The following DPP9 variants were observed in gnomAD, a reference collection of about 807,000 sequenced individuals.
The protein encoded by DPP9 is dipeptidyl peptidase 9.
In DPP9, 50 loss-of-function variants were observed where a neutral mutation model predicts 110.7. The ratio of observed to expected loss-of-function variants is 0.45; its 90% CI spans 0.36 to 0.57. The LOEUF (loss-of-function observed/expected upper bound fraction) is 0.57, where lower values mean the gene tolerates loss of function less well. Ranked by LOEUF, DPP9 falls within the 20% of genes least tolerant of loss-of-function variation. The pLI, the probability that DPP9 is intolerant of heterozygous loss-of-function variation, is 0.00. For synonymous variants in DPP9, 561 were observed against 514.4 expected (o/e 1.09, Z -1.23); for missense variants, 1,022 against 1,217.9 (o/e 0.84, Z 2.39).
At chr19:4,679,693 G>A in intron 21 of DPP9, 142 bp downstream of exon 21, 3 of 656,782 alleles carry the variant, frequency 4.6e-6, no homozygotes, top group Middle Eastern at 4.1e-4. Flanking sequence ...GGGGACACAG[G>A]GCTGTGGGGT....
At position 4,684,670 on chromosome 19, in the gene DPP9, T is replaced by C; in HGVS notation, c.2171A>G (p.Asn724Ser). 1 of 1,612,586 alleles carries C rather than the reference T, an allele frequency of 6.2e-7. No homozygotes were observed. The highest frequency in any genetic ancestry group is 8.5e-7 in the Non-Finnish European group (1 of 1,179,554). The change falls in exon 18 of 22, where the codon AAC (asparagine) becomes AGC (serine). Residue 724 changes from asparagine (N) to serine (S), a missense_variant. By Grantham distance (46) the Asn-to-Ser change is conservative (BLOSUM62 1). Around this residue, in one of 3 missense-constraint regions of DPP9, gnomAD observed 209 missense variants for 280.4 expected, o/e 0.75. Coordinates refer to ENST00000262960, the MANE Select transcript of DPP9 (RefSeq NM_139159.5). The surrounding 1 kb of genome is among the most constrained non-coding windows in gnomAD (Gnocchi z 4.8). ...ACAGGGAGGAGTTGTTACCATTTGG[T>C]TTTTCAGGGCCCCTTCGAACCGAAG... ...RGLRFEGALKNQMGQVEIEDQ... is the reference protein window; with the variant it reads ...RGLRFEGALKSQMGQVEIEDQ...
At position 4,705,918 on chromosome 19, in the gene DPP9, C is replaced by T; in HGVS notation, c.366G>A (p.Lys122=). The change falls in exon 5 of 22, where the codon AAG becomes AAA. Residue 122 remains lysine, a synonymous_variant. Transcript: ENST00000262960. ...ENSLLYSEIP[K]KVRKEALLLL... Reference sequence around the variant, plus strand: ...GCAGCAGAGCCTCTTTCCGGACCTTCTTGGGAATCTCAGAGTAGAGGAGGG... The same window carrying T: ...GCAGCAGAGCCTCTTTCCGGACCTTTTTGGGAATCTCAGAGTAGAGGAGGG... 1 of 1,613,954 alleles carries T rather than the reference C, an allele frequency of 6.2e-7. No homozygotes were observed. Among genetic ancestry groups the T allele is most frequent in the South Asian group, 1.1e-5 (1 of 91,080 alleles).
Position 4,685,361 on chromosome 19 carries a change from A to C in DPP9, c.2031+265T>G. On this transcript the variant is annotated intron_variant, in intron 17 of 21. Transcript: ENST00000262960. The surrounding 1 kb of genome is among the most constrained non-coding windows in gnomAD (Gnocchi z 5.8). Reference sequence around the variant, plus strand: ...CAACCTGGAGACTAGGGGACTTCCTAGAGGAACAAGGGAGAGTCAGCAGGC... The same window carrying C: ...CAACCTGGAGACTAGGGGACTTCCTCGAGGAACAAGGGAGAGTCAGCAGGC... The C allele has an allele frequency of 1.6e-6, 1 of 622,634 alleles. No individual in the cohort carries two copies. The highest frequency in any genetic ancestry group is 3.0e-6 in the Non-Finnish European group (1 of 334,496). The allele number at this position is 622,634 out of a possible 1,614,324, so 38.6% of individuals were successfully genotyped here. A position where few individuals can be genotyped will look rare whatever the true frequency, so the allele number is the denominator to read the frequency against.
rs771284797 is a variant in DPP9, at chr19:4,684,687, G to A, written c.2154C>T (p.Phe718=). The A allele has an allele frequency of 2.2e-5, 36 of 1,612,796 alleles. No individual in the cohort carries two copies. The highest frequency in any genetic ancestry group is 8.8e-5 in the South Asian group (8 of 90,852). Residue 718 remains phenylalanine, a synonymous_variant, in exon 18 of 22, where the codon TTC becomes TTT. Coordinates refer to ENST00000262960, the MANE Select transcript of DPP9 (RefSeq NM_139159.5). The surrounding 1 kb of genome is among the most constrained non-coding windows in gnomAD (Gnocchi z 4.8). ...GRGSCQRGLR[F]EGALKNQMGQ... is the part of the protein sequence containing the mutation. Reference sequence around the variant, plus strand: ...CCATTTGGTTTTTCAGGGCCCCTTCGAACCGAAGCCCTCGCTGACAGGAGC... The same window carrying A: ...CCATTTGGTTTTTCAGGGCCCCTTCAAACCGAAGCCCTCGCTGACAGGAGC...
rs62113865 is a variant in DPP9 at position 4,689,778 on chromosome 19, C to A, written c.1597-56G>T. On this transcript the variant is annotated intron_variant, in intron 14 of 21. Transcript: ENST00000262960. This position sits in a 1 kb window ranked among gnomAD's most constrained non-coding sequence, Gnocchi z 7.0. ...GTCCCAGATGCCCCTGGGCCCACAC[C>A]CCTCTCCACGCCCCACAGGAGTGGG... 52,101 of 1,499,246 alleles carry A rather than the reference C, an allele frequency of 0.035. 1,112 individuals are homozygous for A. Among genetic ancestry groups the A allele is most frequent in the Non-Finnish European group, 0.042 (46,448 of 1,115,404 alleles). 92.9% of individuals were successfully genotyped at this position (1,499,246 alleles called of 1,614,324 possible).
chr19:4,706,137 G>A (rs1010235347), intron 4 of DPP9, among the ~76,000 whole-genome samples, 167 bp from the exon 5 acceptor site: 1 of 152,098 alleles, frequency 6.6e-6, no homozygotes, highest in Non-Finnish European at 1.5e-5. Context: ...GTTTGCTTAA[G>A]TAGGCAGTAG....
chr19:4,711,735 T>G lies in DPP9; in HGVS notation c.313+2346A>C, dbSNP rs1377814753. On this transcript the variant is annotated intron_variant, in intron 4 of 21. Transcript: ENST00000262960. The stretch of plus-strand genomic sequence containing the variant: ...TTGCAGTGAGCCAAGATTGCGCCAT[T>G]GCACTCCAGCCTGGGTGACAGAGCG... Among the ~76,000 whole-genome samples the G allele has an allele frequency of 5.4e-5, 7 of 129,164 alleles. No homozygotes were observed. The Admixed American group carries it at 6.8e-4, about 12-fold the overall frequency. The allele number at this position is 129,164 out of a possible 152,430, so 84.7% of individuals were successfully genotyped here.
At chr19:4,719,728 TG>T in intron 3 of DPP9, 122 bp downstream of exon 3, 1 of 1,148,984 alleles carries the variant, frequency 8.7e-7, no homozygotes. Context: ...AGAACAGTCT[TG>T]GGGACGTGCT....
Position 4,695,339 on chromosome 19 carries a change from G to A in DPP9, c.1353+39C>T. On this transcript the variant is annotated intron_variant, in intron 12 of 21. Coordinates refer to ENST00000262960, the MANE Select transcript of DPP9 (RefSeq NM_139159.5). This position sits in a 1 kb window ranked among gnomAD's most constrained non-coding sequence, Gnocchi z 4.7. ...GGGGGTGGGGACAGTGTGACTCCAG[G>A]GCCCAGGCGGGCATACAGCCAGCGC... The A allele has an allele frequency of 6.6e-7, 1 of 1,519,536 alleles. No individual in the cohort carries two copies. Among genetic ancestry groups the A allele is most frequent in the African/African-American group, 1.4e-5 (1 of 71,808 alleles). 94.1% of individuals were successfully genotyped at this position (1,519,536 alleles called of 1,614,324 possible).
intron 4 of DPP9, among the ~76,000 whole-genome samples, chr19:4,713,479 G>A (rs1273513546): frequency 6.6e-6 from 1 of 152,246 alleles, no homozygotes. Context: ...GCTGCGTGCA[G>A]GCACACGCCC....
At chr19:4,683,245 C>A (rs1054122081) in intron 19 of DPP9, 1 of 1,431,534 alleles carries the variant, frequency 7.0e-7, no homozygotes, top group Non-Finnish European at 9.1e-7. Flanking sequence ...GAGCTGCTGG[C>A]GGGGTTTTGT....
Position 4,687,060 on chromosome 19 carries a change from C to G in DPP9, c.1886-1289G>C, listed in dbSNP as rs962713264. Among the ~76,000 whole-genome samples, 6 of 152,158 alleles carry G rather than the reference C, an allele frequency of 3.9e-5. No homozygotes were observed. Among genetic ancestry groups the G allele is most frequent in the Admixed American group, 6.5e-5 (1 of 15,270 alleles). On this transcript the variant is annotated intron_variant, in intron 16 of 21. Transcript: ENST00000262960. This position sits in a 1 kb window ranked among gnomAD's most constrained non-coding sequence, Gnocchi z 4.7. ...GCACTGAGGTTCTGGTCTCTGCCCC[C>G]ACTGCTAGGCTGGGTGCCCTGCTGA...
intron 8 of DPP9, 58 bp downstream of exon 8, chr19:4,702,545 T>C: frequency 7.5e-7 from 1 of 1,326,746 alleles, no homozygotes; most frequent in Non-Finnish European, 1.1e-6. Flanking sequence ...GGACACAGCC[T>C]GTGATTCCAG....
chr19:4,685,605 G>T lies in DPP9; in HGVS notation c.2031+21C>A. ...CGGGTGGATGGTGGGGTGGGGGCCT[G>T]GGGAGCAGGTGTGCACTCACCTGGG... On this transcript the variant is annotated intron_variant, in intron 17 of 21. Transcript: ENST00000262960. The surrounding 1 kb of genome is among the most constrained non-coding windows in gnomAD (Gnocchi z 5.8). 2 of 1,590,322 alleles carry T rather than the reference G, an allele frequency of 1.3e-6. No individual in the cohort carries two copies. Among genetic ancestry groups the T allele is most frequent in the East Asian group, 2.3e-5 (1 of 43,976 alleles).
chr19:4,701,878 G>T, intron 9 of DPP9, 149 bp downstream of exon 9: 1 of 1,153,224 alleles, frequency 8.7e-7, no homozygotes, highest in Non-Finnish European at 1.2e-6. Flanking sequence ...GGCGGCCCCT[G>T]CAGGGCAGAA....
intron 20 of DPP9, among the ~76,000 whole-genome samples, chr19:4,681,206 A>G (rs1317260689): frequency 6.6e-6 from 1 of 152,204 alleles, no homozygotes; most frequent in East Asian, 1.9e-4. Context: ...AGTGACTGCT[A>G]AGGAATGGGA....
chr19:4,702,811 A>AGAGGGAGG (rs2092349061), intron 7 of DPP9, 95 bp from the exon 8 acceptor site: 1 of 132,968 alleles, frequency 7.5e-6, no homozygotes, highest in Admixed American at 1.2e-4. Flanking sequence ...AGAGAGGGAG[A>AGAGGGAGG]GAGAAGGAGG....
chr19:4,706,126 G>T (rs1354628893), intron 4 of DPP9, among the ~76,000 whole-genome samples, 156 bp from the exon 5 acceptor site: 2 of 152,028 alleles, frequency 1.3e-5, no homozygotes, highest in Non-Finnish European at 2.9e-5. Context: ...ATGGATCCTG[G>T]GTTTGCTTAA....
chr19:4,712,623 C>T (rs541607337), intron 4 of DPP9, among the ~76,000 whole-genome samples: 25 of 152,230 alleles, frequency 1.6e-4, no homozygotes, highest in South Asian at 8.3e-4. Context: ...ACCTCTGTTG[C>T]GGTGACTCTC....
Sources: gnomAD v4.1 joint callset for allele counts (sites outside exome capture counted in the v4.1 genomes callset) on GRCh38, gnomAD v4.1.1 for gene constraint, gnomAD v4.1.1 regional missense constraint, Gnocchi (gnomAD v3.1) non-coding constraint, MANE v1.5 for transcripts, NCBI Gene and HGNC (gene_info 2026-07-23, HGNC 2026-07-21) for gene names.